Variants in KLF13 observed in about 807,000 individuals in gnomAD.
KLF13 encodes Krueppel-like factor 13.
A neutral mutation model predicts 16.7 loss-of-function variants in KLF13; 8 were observed. That is an observed-to-expected ratio of 0.48 (90% CI 0.28 to 0.87). The LOEUF is 0.87. Ranked by LOEUF, KLF13 falls within the 40% of genes least tolerant of loss-of-function variation. The pLI, the probability that KLF13 is intolerant of heterozygous loss-of-function variation, is 0.10. For synonymous variants in KLF13, 245 were observed against 208.4 expected (o/e 1.18, Z -1.51); for missense variants, 447 against 452.2 (o/e 0.99, Z 0.10).
intron 1 of KLF13, among the ~76,000 whole-genome samples, chr15:31,355,018 C>G (rs1438366358): frequency 6.6e-6 from 1 of 152,104 alleles, no homozygotes; most frequent in Non-Finnish European, 1.5e-5. Flanking sequence ...AACCCCCGGG[C>G]TTGGGGTTGG....
intron 1 of KLF13, among the ~76,000 whole-genome samples, chr15:31,333,588 A>T (rs1428997204): frequency 6.6e-6 from 1 of 151,944 alleles, no homozygotes; most frequent in African/African-American, 2.4e-5. Flanking sequence ...AGAAAAATTA[A>T]TTTTTTGTCT....
At chr15:31,356,710 A>G (rs1255445720) in intron 1 of KLF13, among the ~76,000 whole-genome samples, 1 of 152,190 alleles carries the variant, frequency 6.6e-6, no homozygotes, top group African/African-American at 2.4e-5. Context: ...ATAGGTGGGA[A>G]TGGTTTACTC....
At chr15:31,399,450 C>A (rs2040002692) in intron 2 of KLF13, among the ~76,000 whole-genome samples, 1 of 152,204 alleles carries the variant, frequency 6.6e-6, no homozygotes. Flanking sequence ...TAGGTGTGAG[C>A]CACCGTGCCC....
chr15:31,348,824 G>T (rs1474362488), intron 1 of KLF13, among the ~76,000 whole-genome samples: 1 of 152,164 alleles, frequency 6.6e-6, no homozygotes, highest in Non-Finnish European at 1.5e-5. Flanking sequence ...GGAAGTCCAA[G>T]ATTAAGGCGC....
exon 2 of KLF13, chr15:31,435,477 G>C (rs950554685): frequency 1.3e-5 from 2 of 152,184 alleles, no homozygotes; most frequent in Non-Finnish European, 2.9e-5. Flanking sequence ...GCTCTTTCCT[G>C]GACATCTGCA....
At position 31,376,956 on chromosome 15, in the gene KLF13, A is replaced by C. The variant is rs1398919068; in HGVS notation, c.*4657A>C. The stretch of plus-strand genomic sequence containing the variant: ...GCGTCCCCTACCCTACAAGTCACAC[A>C]TTCCGGGGAGGGGGGTGGGGGGTGG... On this transcript the variant is annotated 3_prime_UTR_variant, in exon 2 of 2. Coordinates refer to ENST00000307145, the MANE Select transcript of KLF13 (RefSeq NM_015995.4). 2 of 111,100 alleles carry C rather than the reference A, an allele frequency of 1.8e-5. No individual in the cohort carries two copies. The highest frequency in any genetic ancestry group is 3.4e-5 in the Non-Finnish European group (2 of 58,776). The allele number at this position is 111,100 out of a possible 1,614,324, so 6.9% of individuals were successfully genotyped here. A position where few individuals can be genotyped will look rare whatever the true frequency, so the allele number is the denominator to read the frequency against.
chr15:31,382,132 C>G (rs573762299), downstream of KLF13, among the ~76,000 whole-genome samples: 187 of 152,344 alleles, frequency 1.2e-3, no homozygotes, highest in African/African-American at 4.0e-3. Flanking sequence ...GGCCTCCACT[C>G]TCACATGCCA....
In KLF13 at chr15:31,354,857, C is replaced by A. The variant is rs561642053; in HGVS notation, c.578-17153C>A. Among the ~76,000 whole-genome samples, 19 of 152,216 alleles carry A rather than the reference C, an allele frequency of 1.2e-4. 1 individual carries two copies. Among genetic ancestry groups the A allele is most frequent in the Middle Eastern group, 6.8e-3 (2 of 294 alleles). On this transcript the variant is annotated intron_variant, in intron 1 of 1. Transcript: ENST00000307145. ...AATCCCAGATGCAATATCAATTTGT[C>A]CATAAATATTTCAGTGCCTTACATC...
chr15:31,423,138 C>CGTAT (rs2040357274), intron 1 of KLF13, among the ~76,000 whole-genome samples: 5 of 33,492 alleles, frequency 1.5e-4, no homozygotes, highest in African/African-American at 1.0e-3. Context: ...TATACGTATA[C>CGTAT]GTATACGTAT....
At chr15:31,361,799 G>A (rs2039393079) in intron 1 of KLF13, among the ~76,000 whole-genome samples, 1 of 152,024 alleles carries the variant, frequency 6.6e-6, no homozygotes, top group African/African-American at 2.4e-5. Flanking sequence ...CCCTGTGACT[G>A]TCAAGGCTGG....
intron 1 of KLF13, among the ~76,000 whole-genome samples, chr15:31,359,741 G>A (rs1595471154): frequency 6.6e-6 from 1 of 152,192 alleles, no homozygotes; most frequent in East Asian, 1.9e-4. Flanking sequence ...TTTCTTCCCT[G>A]TCCACGTTCC....
chr15:31,425,094 T>A (rs2040385463), intron 1 of KLF13, among the ~76,000 whole-genome samples: 1 of 152,086 alleles, frequency 6.6e-6, no homozygotes, highest in African/African-American at 2.4e-5. Context: ...GTGAAAGACT[T>A]ATATACTGAA....
chr15:31,361,783 G>A (rs1052287319), intron 1 of KLF13, among the ~76,000 whole-genome samples: 2 of 152,120 alleles, frequency 1.3e-5, no homozygotes, highest in African/African-American at 4.8e-5. Flanking sequence ...AGATTCTGCA[G>A]ATCTCCCCTG....
At chr15:31,392,536 C>T (rs573273131), upstream of KLF13, among the ~76,000 whole-genome samples, 5 of 152,350 alleles carry the variant, frequency 3.3e-5, no homozygotes, top group East Asian at 9.7e-4. Context: ...ATCCTGGGTC[C>T]TCTACGCGCG....
At chr15:31,332,381 C>T (rs575213156) in intron 1 of KLF13, among the ~76,000 whole-genome samples, 27 of 152,218 alleles carry the variant, frequency 1.8e-4, no homozygotes, top group African/African-American at 5.6e-4. Context: ...CTGTCACTCC[C>T]GCACGCCTGG....
At chr15:31,331,663 G>A (rs544058867) in intron 1 of KLF13, among the ~76,000 whole-genome samples, 2 of 152,148 alleles carry the variant, frequency 1.3e-5, no homozygotes, top group South Asian at 2.1e-4. Context: ...GGCTCAGCAC[G>A]CCCACCCCTC....
chr15:31,384,210 G>C (rs111828285), intron 1 of KLF13, among the ~76,000 whole-genome samples: 7 of 152,118 alleles, frequency 4.6e-5, no homozygotes, highest in African/African-American at 1.7e-4. Flanking sequence ...AGGCTGAGGC[G>C]GGCAGATCAC....
intron 1 of KLF13, among the ~76,000 whole-genome samples, chr15:31,341,540 T>TC (rs1555374208): frequency 1.3e-5 from 2 of 148,918 alleles, no homozygotes; most frequent in Non-Finnish European, 3.0e-5. Context: ...TTCAGAACTT[T>TC]TTTTTTTTTT....
At chr15:31,427,198 A>G (rs543472075) in intron 1 of KLF13, among the ~76,000 whole-genome samples, 2 of 152,178 alleles carry the variant, frequency 1.3e-5, no homozygotes, top group African/African-American at 4.8e-5. Context: ...TCTATTATCC[A>G]TCCATCTCTC....
Sources: gnomAD v4.1 joint callset for allele counts (sites outside exome capture counted in the v4.1 genomes callset) on GRCh38, gnomAD v4.1.1 for gene constraint, MANE v1.5 for transcripts, NCBI Gene and HGNC (gene_info 2026-07-23, HGNC 2026-07-21) for gene names.